Variants in SOS1 observed in about 807,000 individuals in gnomAD.
The protein encoded by SOS1 is SOS Ras/Rac guanine nucleotide exchange factor 1.
SOS1 carries 25 observed loss-of-function variants against 157.6 expected under a neutral mutation model. The ratio of observed to expected loss-of-function variants is 0.16; its 90% CI spans 0.12 to 0.22. SOS1 has a LOEUF of 0.22. SOS1 is among the 10% of genes least tolerant of loss of function. The pLI, the probability that SOS1 is intolerant of heterozygous loss-of-function variation, is 1.00. For missense variants in SOS1, 1,237 were observed against 1,599.1 expected (o/e 0.77, Z 3.86); for synonymous variants, 528 against 534.0 (o/e 0.99, Z 0.16).
At chr2:39,023,382 T>C (rs1288435945) in intron 9 of SOS1, among the ~76,000 whole-genome samples, 157 bp from the exon 10 acceptor site, 1 of 152,066 alleles carries the variant, frequency 6.6e-6, no homozygotes. Context: ...TACACAATTT[T>C]GAAAATTAAA....
intron 1 of SOS1, among the ~76,000 whole-genome samples, chr2:39,072,558 G>C (rs539559948): frequency 5.3e-5 from 8 of 152,118 alleles, no homozygotes; most frequent in Non-Finnish European, 1.0e-4. Flanking sequence ...AAATGCAATG[G>C]TTAAAGACAA....
At chr2:39,055,778 A>C (rs938968857) in intron 4 of SOS1, among the ~76,000 whole-genome samples, 4 of 152,320 alleles carry the variant, frequency 2.6e-5, no homozygotes, top group South Asian at 4.1e-4. Context: ...ATCCTTAGGT[A>C]ATGACTAAAA....
At chr2:39,035,845 G>A (rs1670324500) in intron 6 of SOS1, among the ~76,000 whole-genome samples, 1 of 152,080 alleles carries the variant, frequency 6.6e-6, no homozygotes. Flanking sequence ...ATATAGATAT[G>A]TACAACTAGG....
chr2:39,004,017 G>C (rs1174264092), intron 17 of SOS1, among the ~76,000 whole-genome samples: 2 of 152,078 alleles, frequency 1.3e-5, no homozygotes, highest in African/African-American at 4.8e-5. Context: ...TGCTCCCTAG[G>C]GGGGCAAAAA....
At chr2:39,026,169 A>G (rs571439111) in intron 8 of SOS1, among the ~76,000 whole-genome samples, 2 of 152,188 alleles carry the variant, frequency 1.3e-5, no homozygotes, top group Admixed American at 1.3e-4. Flanking sequence ...AGCCTGGCCA[A>G]TATGGTAAAA....
At chr2:39,120,095 CA>C (rs1365305247) in intron 1 of SOS1, among the ~76,000 whole-genome samples, 1 of 152,172 alleles carries the variant, frequency 6.6e-6, no homozygotes. Context: ...ATTCACCTCT[CA>C]GGGGTTGGAT....
chr2:39,064,217 T>C (rs933042951), intron 2 of SOS1, among the ~76,000 whole-genome samples: 1 of 152,186 alleles, frequency 6.6e-6, no homozygotes, highest in East Asian at 1.9e-4. Context: ...GAAGTACATA[T>C]ACACTGTGGA....
At chr2:39,044,696 C>G (rs1426735856) in intron 6 of SOS1, among the ~76,000 whole-genome samples, 2 of 152,050 alleles carry the variant, frequency 1.3e-5, no homozygotes, top group Non-Finnish European at 2.9e-5. Flanking sequence ...CCCTTGCGTA[C>G]TCAGGGCTGG....
intron 21 of SOS1, 59 bp downstream of exon 21, chr2:38,989,211 C>T: frequency 8.3e-7 from 1 of 1,198,902 alleles, no homozygotes; most frequent in Non-Finnish European, 1.2e-6. Context: ...AAAGGTTACA[C>T]TTGGTTTGAT....
At position 38,997,272 on chromosome 2, in the gene SOS1, C is replaced by T. The variant is rs1553351453; in HGVS notation, c.2945G>A (p.Arg982Gln). ...ACTTACTTTGATATCTGATTCTACTCGTAAACAGTAAGGCTGATTTTGGTA... is the reference window on the plus strand; with the variant it reads ...ACTTACTTTGATATCTGATTCTACTTGTAAACAGTAAGGCTGATTTTGGTA... ...QQYQNQPYCL[R>Q]VESDIKRFFE... is the part of the protein sequence containing the mutation. Residue 982 changes from arginine to glutamine, a missense_variant, in exon 18 of 23, where the codon CGA becomes CAA. Arg to Gln is a conservative substitution (Grantham distance 43). Around this residue, in one of 15 missense-constraint regions of SOS1, gnomAD observed 34 missense variants for 28.1 expected, o/e 1.21. Transcript: ENST00000402219. 4 of 1,610,690 alleles carry T rather than the reference C, an allele frequency of 2.5e-6. No homozygotes were observed. Among genetic ancestry groups the T allele is most frequent in the Non-Finnish European group, 3.4e-6 (4 of 1,177,524 alleles).
intron 17 of SOS1, among the ~76,000 whole-genome samples, chr2:39,003,931 C>A (rs1475611721): frequency 6.6e-6 from 1 of 152,130 alleles, no homozygotes; most frequent in Non-Finnish European, 1.5e-5. Flanking sequence ...ATATCTCTAT[C>A]CTCTACCCAC....
At position 39,120,898 on chromosome 2, in the gene SOS1, A is replaced by C. The variant is rs1265924807; in HGVS notation, c.-476T>G. ...AACGCAAGAGCCCCGGGCGGGGCGG[A>C]GCTGGGGCGGAGGTCTCGCGGGGAA... On this transcript the variant is annotated 5_prime_UTR_variant, in exon 1 of 23. Coordinates refer to ENST00000402219, the MANE Select transcript of SOS1 (RefSeq NM_005633.4). 7.5e-6 allele frequency: 1 copy of C among 133,974 alleles called. No individual in the cohort carries two copies. Among genetic ancestry groups the C allele is most frequent in the Non-Finnish European group, 1.7e-5 (1 of 60,052 alleles). The allele number at this position is 133,974 out of a possible 1,614,324, so 8.3% of individuals were successfully genotyped here. A position where few individuals can be genotyped will look rare whatever the true frequency, so the allele number is the denominator to read the frequency against.
intron 1 of SOS1, among the ~76,000 whole-genome samples, chr2:39,116,826 G>A (rs749586104): frequency 6.6e-6 from 1 of 152,108 alleles, no homozygotes; most frequent in African/African-American, 2.4e-5. Flanking sequence ...ACTCCAGCCT[G>A]TTAAGACTCT....
At chr2:39,045,520 G>C (rs968422968) in intron 6 of SOS1, among the ~76,000 whole-genome samples, 1 of 151,756 alleles carries the variant, frequency 6.6e-6, no homozygotes, top group Non-Finnish European at 1.5e-5. Context: ...TTTACTATTA[G>C]GAAGTGTTTC....
rs1383190615 is a variant in SOS1 at position 39,007,289 on chromosome 2, G to C, written c.2511-96C>G. The C allele has an allele frequency of 1.6e-5, 13 of 824,748 alleles. 1 individual carries two copies. Among genetic ancestry groups the C allele is most frequent in the South Asian group, 1.4e-4 (10 of 71,026 alleles). The allele number at this position is 824,748 out of a possible 1,614,324, so 51.1% of individuals were successfully genotyped here. On this transcript the variant is annotated intron_variant, in intron 15 of 22. Transcript: ENST00000402219. ...GTAAATAAAATAATGTAGAGAGTAG[G>C]GGGGTGGCGATAGTATAACTACTAT...
At chr2:39,117,485 G>T (rs540111917) in intron 1 of SOS1, among the ~76,000 whole-genome samples, 4 of 152,124 alleles carry the variant, frequency 2.6e-5, no homozygotes, top group Non-Finnish European at 5.9e-5. Context: ...GTAGCAGTCC[G>T]GACTGGCTAA....
intron 17 of SOS1, among the ~76,000 whole-genome samples, chr2:39,004,161 A>G (rs914716882): frequency 3.9e-5 from 6 of 152,170 alleles, no homozygotes; most frequent in Non-Finnish European, 8.8e-5. Flanking sequence ...CAAGCCTGTA[A>G]TCCCAGCACT....
intron 20 of SOS1, among the ~76,000 whole-genome samples, 164 bp from the exon 21 acceptor site, chr2:38,989,478 A>G (rs1668661152): frequency 6.6e-6 from 1 of 152,148 alleles, no homozygotes; most frequent in Non-Finnish European, 1.5e-5. Context: ...TTGAGAAGAA[A>G]AAAATGATAT....
chr2:39,120,702 T>TC lies in SOS1; in HGVS notation c.-281dup, dbSNP rs1673848454. On this transcript the variant is annotated 5_prime_UTR_variant, in exon 1 of 23. Transcript: ENST00000402219. ...GCCCCGGGGCCAGGCCCCCCGCCCC[T>TC]CCCCGGCCCGCCGGCGCCGCCCCGG... 6.9e-6 allele frequency among the ~76,000 whole-genome samples: 1 copy of TC among 145,024 alleles called. No homozygotes were observed. Among genetic ancestry groups the TC allele is most frequent in the Non-Finnish European group, 1.5e-5 (1 of 65,470 alleles).
Sources: allele counts gnomAD v4.1 joint callset (sites outside exome capture counted in the v4.1 genomes callset), GRCh38; gene constraint gnomAD v4.1.1; regional missense constraint gnomAD v4.1.1; transcripts MANE v1.5; gene names NCBI Gene and HGNC (gene_info 2026-07-23, HGNC 2026-07-21).